The following DPP8 variants were observed in gnomAD, a reference collection of about 807,000 sequenced individuals.
DPP8 encodes the protein dipeptidyl peptidase 8, also known as DPP VIII.
DPP8 carries 31 observed loss-of-function variants against 107.5 expected under a neutral mutation model. The observed-to-expected ratio is 0.29, with a 90% CI of 0.22 to 0.39. The LOEUF (loss-of-function observed/expected upper bound fraction) is 0.39, where lower values mean the gene tolerates loss of function less well. Ranked by LOEUF, DPP8 falls within the 10% of genes least tolerant of loss-of-function variation. The pLI, the probability that DPP8 is intolerant of heterozygous loss-of-function variation, is 1.00. For synonymous variants in DPP8, 381 were observed against 356.6 expected (o/e 1.07, Z -0.77); for missense variants, 842 against 1,076.1 (o/e 0.78, Z 3.04).
In DPP8 at chr15:65,443,030, T is replaced by C. The variant is rs1388598425; in HGVS notation, c.*3854A>G. 6.6e-6 allele frequency: 1 copy of C among 152,196 alleles called. No individual in the cohort carries two copies. The highest frequency in any genetic ancestry group is 1.5e-5 in the Non-Finnish European group (1 of 68,022). The allele number at this position is 152,196 out of a possible 1,614,324, so 9.4% of individuals were successfully genotyped here. A position where few individuals can be genotyped will look rare whatever the true frequency, so the allele number is the denominator to read the frequency against. On this transcript the variant is annotated 3_prime_UTR_variant, in exon 20 of 20. Transcript: ENST00000300141. ...CCTCCACTATACCAAGGAAGACACA[T>C]TTAGTGCAATGAGTTTAATTAACTT... is the stretch of plus-strand genomic sequence containing the variant.
intron 3 of DPP8, among the ~76,000 whole-genome samples, chr15:65,506,615 T>C (rs988571350): frequency 2.5e-4 from 34 of 136,930 alleles, no homozygotes; most frequent in African/African-American, 9.0e-4. Flanking sequence ...TATGTAAACA[T>C]ATATACATAT....
intron 3 of DPP8, 54 bp downstream of exon 3, chr15:65,507,189 T>C (rs1232450543): frequency 1.1e-6 from 1 of 944,606 alleles, no homozygotes; most frequent in Non-Finnish European, 1.6e-6. Context: ...TCTAAATAAA[T>C]GCAGTATCTG....
chr15:65,480,806 CAA>C (rs1057144547), intron 9 of DPP8, among the ~76,000 whole-genome samples: 84 of 152,158 alleles, frequency 5.5e-4, no homozygotes, highest in African/African-American at 2.0e-3. Flanking sequence ...TCTATATAAA[CAA>C]AAGTTCTGCC....
intron 3 of DPP8, among the ~76,000 whole-genome samples, chr15:65,506,714 T>C (rs973982922): frequency 8.1e-5 from 12 of 148,970 alleles, no homozygotes; most frequent in African/African-American, 2.9e-4. Flanking sequence ...TATACATATA[T>C]AAACATATAT....
intron 5 of DPP8, among the ~76,000 whole-genome samples, chr15:65,494,881 G>A (rs150004565): frequency 2.0e-5 from 3 of 152,016 alleles, no homozygotes; most frequent in Non-Finnish European, 4.4e-5. Context: ...TTGGATAACT[G>A]CAACAGTCAA....
rs182701256 is a variant in DPP8 at position 65,486,439 on chromosome 15, G to A, written c.955+1251C>T. Among the ~76,000 whole-genome samples, 16 of 151,586 alleles carry A rather than the reference G, an allele frequency of 1.1e-4. No individual in the cohort carries two copies. The East Asian group carries it at 3.1e-3, about 29-fold the overall frequency. Reference sequence around the variant, plus strand: ...AAAAATTAGCCGCACCAGGCTGGTCGAGCTACTCAGGAGGCTGAGGTGGGA... The same window carrying A: ...AAAAATTAGCCGCACCAGGCTGGTCAAGCTACTCAGGAGGCTGAGGTGGGA... On this transcript the variant is annotated intron_variant, in intron 7 of 19. Coordinates refer to ENST00000300141, the MANE Select transcript of DPP8 (RefSeq NM_130434.5).
intron 2 of DPP8, among the ~76,000 whole-genome samples, chr15:65,508,568 A>G (rs927634507): frequency 6.6e-6 from 1 of 152,104 alleles, no homozygotes; most frequent in East Asian, 1.9e-4. Context: ...AAAAGGTATT[A>G]CTGGCCGGCC....
At chr15:65,487,364 G>A (rs574160817) in intron 7 of DPP8, among the ~76,000 whole-genome samples, 1 of 152,166 alleles carries the variant, frequency 6.6e-6, no homozygotes. Flanking sequence ...GGTCAGGCTG[G>A]TCTCAAACTC....
intron 8 of DPP8, among the ~76,000 whole-genome samples, chr15:65,482,354 T>G (rs984954434): frequency 3.3e-5 from 5 of 152,128 alleles, no homozygotes; most frequent in African/African-American, 1.2e-4. Flanking sequence ...CCATCTCGAC[T>G]AACTGCAACC....
At chr15:65,466,927 T>C (rs989355286) in intron 13 of DPP8, 114 bp from the exon 14 acceptor site, 98 of 1,402,558 alleles carry the variant, frequency 7.0e-5, no homozygotes, top group Admixed American at 1.1e-4. Flanking sequence ...TTTATGTACA[T>C]ATACAATGTT....
chr15:65,495,378 CG>C (rs2068480158), intron 5 of DPP8, among the ~76,000 whole-genome samples: 1 of 151,110 alleles, frequency 6.6e-6, no homozygotes, highest in Admixed American at 6.6e-5. Context: ...CAGAGGTGGA[CG>C]GATCACTTGA....
chr15:65,487,312 G>A lies in DPP8; in HGVS notation c.955+378C>T, dbSNP rs192949125. ...TTACAGGCATGCACCACCATGCCTG[G>A]CTAATTTTGTATTTTTAGTAAAGAT... On this transcript the variant is annotated intron_variant, in intron 7 of 19. Coordinates refer to ENST00000300141, the MANE Select transcript of DPP8 (RefSeq NM_130434.5). Among the ~76,000 whole-genome samples, 353 of 152,154 alleles carry A rather than the reference G, an allele frequency of 2.3e-3. 1 individual carries two copies. Among genetic ancestry groups the A allele is most frequent in the Middle Eastern group, 0.017 (5 of 294 alleles).
intron 16 of DPP8, 137 bp downstream of exon 16, chr15:65,456,088 C>T: frequency 9.1e-7 from 1 of 1,095,204 alleles, no homozygotes; most frequent in Non-Finnish European, 1.3e-6. Context: ...TCTCTCCCAC[C>T]CCCAAACTCT....
At chr15:65,500,491 C>T in intron 4 of DPP8, 115 bp downstream of exon 4, 2 of 742,054 alleles carry the variant, frequency 2.7e-6, no homozygotes, top group Non-Finnish European at 4.4e-6. Flanking sequence ...TATTAAATTT[C>T]TTTGTTGGTG....
At chr15:65,499,267 C>T (rs530283614) in intron 4 of DPP8, among the ~76,000 whole-genome samples, 24 of 151,856 alleles carry the variant, frequency 1.6e-4, no homozygotes, top group Non-Finnish European at 3.1e-4. Flanking sequence ...CTCACTCTGT[C>T]GCCCAGGGTG....
intron 4 of DPP8, among the ~76,000 whole-genome samples, chr15:65,498,669 A>C (rs1174237854): frequency 1.3e-5 from 2 of 152,160 alleles, no homozygotes; most frequent in African/African-American, 4.8e-5. Context: ...ATATTTTATT[A>C]AATATTTTAA....
chr15:65,501,057 T>C (rs2069180004), intron 3 of DPP8, among the ~76,000 whole-genome samples: 1 of 152,026 alleles, frequency 6.6e-6, no homozygotes, highest in Non-Finnish European at 1.5e-5. Context: ...TTTTGTGTTT[T>C]TAGTAGAGAC....
At chr15:65,487,209 GCATGATCTCAACT>G (rs1444496739) in intron 7 of DPP8, among the ~76,000 whole-genome samples, 1 of 151,826 alleles carries the variant, frequency 6.6e-6, no homozygotes, top group African/African-American at 2.4e-5. Flanking sequence ...GAGTGCAATG[GCATGATCTCAACT>G]CACTACAACC....
chr15:65,501,385 A>G (rs2069222567), intron 3 of DPP8, among the ~76,000 whole-genome samples: 1 of 152,208 alleles, frequency 6.6e-6, no homozygotes, highest in Non-Finnish European at 1.5e-5. Context: ...TCTACAACTT[A>G]ACTATAATTT....
Sources: allele counts gnomAD v4.1 joint callset (sites outside exome capture counted in the v4.1 genomes callset), GRCh38; gene constraint gnomAD v4.1.1; transcripts MANE v1.5; gene names NCBI Gene and HGNC (gene_info 2026-07-23, HGNC 2026-07-21).